Variants in OTOG observed in about 807,000 individuals in gnomAD.
OTOG encodes otogelin.
Under a neutral mutation model 313.8 loss-of-function variants are expected in OTOG, and 296 were observed. The observed-to-expected ratio is 0.94, with a 90% CI of 0.86 to 1.04. The LOEUF is 1.04. Among genes scored for constraint, OTOG ranks in the 50% least tolerant of loss-of-function variants. The pLI, the probability that OTOG is intolerant of heterozygous loss-of-function variation, is 0.00. For synonymous variants in OTOG, 1,533 were observed against 1,554.9 expected, an observed-to-expected ratio of 0.99 and a Z score of 0.33; for missense variants, 3,948 against 3,840.1, an observed-to-expected ratio of 1.03 and a Z score of -0.74.
At chr11:17,567,785 T>C (rs1206630906) in intron 15 of OTOG, among the ~76,000 whole-genome samples, 1 of 152,254 alleles carries the variant, frequency 6.6e-6, no homozygotes, top group Non-Finnish European at 1.5e-5. Context: ...CTTCTTCTTC[T>C]TCTCTCTTTG....
In OTOG at chr11:17,606,013, T is replaced by C. The variant is rs1590037121; in HGVS notation, c.4034T>C (p.Leu1345Pro). The C allele has an allele frequency of 6.4e-7, 1 of 1,550,582 alleles. No individual in the cohort carries two copies. The highest frequency in any genetic ancestry group is 1.2e-5 in the South Asian group (1 of 84,058). Reference protein sequence around the residue: ...LLHRGTRQAGLVALESLAKPS... With the variant: ...LLHRGTRQAGPVALESLAKPS... ...CACCGGGGGACACGGCAGGCAGGCC[T>C]GGTGGCCCTGGAGTCCCTGGCCAAG... The change falls in exon 33 of 56, where the codon CTG (leucine) becomes CCG (proline). Residue 1345 changes from leucine to proline, a missense_variant. By Grantham distance (98) the Leu-to-Pro change is moderately conservative (BLOSUM62 -3). Transcript: ENST00000399397.
intron 39 of OTOG, among the ~76,000 whole-genome samples, chr11:17,626,703 C>T (rs1853993493): frequency 6.6e-6 from 1 of 152,082 alleles, no homozygotes; most frequent in Non-Finnish European, 1.5e-5. Flanking sequence ...CTGTAGGTTT[C>T]TTTGGGTAAT....
At chr11:17,629,932 A>G (rs1854076669) in intron 40 of OTOG, among the ~76,000 whole-genome samples, 1 of 152,102 alleles carries the variant, frequency 6.6e-6, no homozygotes, top group Non-Finnish European at 1.5e-5. Context: ...GCACTCCGTG[A>G]CAGACTACCA....
At chr11:17,627,400 T>G (rs1206523845) in intron 39 of OTOG, among the ~76,000 whole-genome samples, 1 of 152,242 alleles carries the variant, frequency 6.6e-6, no homozygotes, top group African/African-American at 2.4e-5. Context: ...TGTCCTTTAT[T>G]CTGTTGATAT....
rs1852357296 is a variant in OTOG at position 17,569,283 on chromosome 11, C to T, written c.1772C>T (p.Thr591Ile). 1.3e-6 allele frequency: 2 copies of T among 1,550,594 alleles called. No homozygotes were observed. Among genetic ancestry groups the T allele is most frequent in the Non-Finnish European group, 1.7e-6 (2 of 1,146,988 alleles). Reference sequence around the variant, plus strand: ...CAGTACAAGATCATCCCGCCATACACAGATGGTACGGTTTGGGGTGGACAA... The same window carrying T: ...CAGTACAAGATCATCCCGCCATACATAGATGGTACGGTTTGGGGTGGACAA... ...FDQYKIIPPY[T>I]DDAFEIRRLS... The change falls in exon 16 of 56, where the codon ACA (threonine) becomes ATA (isoleucine). Residue 591 changes from threonine to isoleucine, a missense_variant. Thr to Ile is a moderately conservative substitution (Grantham distance 89). Transcript: ENST00000399397.
intron 42 of OTOG, among the ~76,000 whole-genome samples, chr11:17,633,443 A>G (rs551935760): frequency 3.3e-5 from 5 of 152,370 alleles, no homozygotes; most frequent in African/African-American, 1.2e-4. Context: ...CTGTGTTCCA[A>G]TAAAACTTTA....
chr11:17,605,297 C>T (rs185162905), intron 32 of OTOG, among the ~76,000 whole-genome samples: 287 of 152,320 alleles, frequency 1.9e-3, no homozygotes, highest in Middle Eastern at 6.8e-3. Context: ...TGGGCAAGCT[C>T]CTTTCTCTCT....
intron 51 of OTOG, among the ~76,000 whole-genome samples, 195 bp from the exon 52 acceptor site, chr11:17,641,652 T>C (rs910938327): frequency 6.6e-6 from 1 of 152,142 alleles, no homozygotes; most frequent in Non-Finnish European, 1.5e-5. Context: ...GGAGATGCTC[T>C]TTGCTGTAAG....
At chr11:17,561,409 G>A (rs1852179836) in intron 14 of OTOG, among the ~76,000 whole-genome samples, 1 of 152,228 alleles carries the variant, frequency 6.6e-6, no homozygotes, top group South Asian at 2.1e-4. Context: ...GCCTGAGGCT[G>A]GTCCTCAAGG....
chr11:17,574,747 A>G lies in OTOG; in HGVS notation c.2321A>G (p.Tyr774Cys). 6.4e-7 allele frequency: 1 copy of G among 1,550,664 alleles called. No homozygotes were observed. The highest frequency in any genetic ancestry group is 8.7e-7 in the Non-Finnish European group (1 of 1,146,970). The change falls in exon 20 of 56, where the codon TAT becomes TGT. Residue 774 changes from tyrosine (Y) to cysteine (C), a missense_variant. Tyr to Cys is a radical substitution (Grantham distance 194). Coordinates refer to ENST00000399397, the MANE Select transcript of OTOG (RefSeq NM_001292063.2). ...CTGTCCTGTGAGGCCTCCAAGGAGT[A>G]TAGCCCCTGCGTGGCCCCGTGTGGA... Reference protein sequence around the residue: ...CALSCEASKEYSPCVAPCGRT... With the variant: ...CALSCEASKECSPCVAPCGRT...
intron 18 of OTOG, among the ~76,000 whole-genome samples, chr11:17,572,548 G>A (rs1195472857): frequency 6.6e-6 from 1 of 151,902 alleles, no homozygotes. Flanking sequence ...TGCCCCAGCT[G>A]CCCTGGCCTC....
intron 31 of OTOG, among the ~76,000 whole-genome samples, chr11:17,601,323 G>T (rs916843284): frequency 1.3e-5 from 2 of 152,158 alleles, no homozygotes; most frequent in Non-Finnish European, 2.9e-5. Flanking sequence ...TGACATTTGA[G>T]CTGGGCCCCA....
chr11:17,555,217 G>C (rs1852029626), intron 6 of OTOG, among the ~76,000 whole-genome samples: 5 of 151,784 alleles, frequency 3.3e-5, no homozygotes, highest in Admixed American at 2.0e-4. Flanking sequence ...ATGTGTGTGT[G>C]TGTGTGTGTG....
intron 28 of OTOG, 22 bp from the exon 29 acceptor site, chr11:17,596,016 C>T (rs1454948942): frequency 4.6e-6 from 7 of 1,518,598 alleles, no homozygotes; most frequent in Middle Eastern, 1.7e-4. Context: ...GGGAGGTCAA[C>T]AGCCCTGCCT....
At chr11:17,627,214 T>G (rs997650385) in intron 39 of OTOG, among the ~76,000 whole-genome samples, 1 of 152,202 alleles carries the variant, frequency 6.6e-6, no homozygotes, top group African/African-American at 2.4e-5. Flanking sequence ...GAGGAAAGGC[T>G]TTTCATTTTC....
intron 40 of OTOG, 52 bp downstream of exon 40, chr11:17,629,368 G>A: frequency 1.3e-6 from 2 of 1,489,364 alleles, no homozygotes; most frequent in Non-Finnish European, 9.0e-7. Context: ...GTCCACCTCT[G>A]CCCCCACACA....
At position 17,593,201 on chromosome 11, in the gene OTOG, A is replaced by C; in HGVS notation, c.3015A>C (p.Ser1005=). Residue 1005 remains serine (S), a synonymous_variant, in exon 26 of 56, where the codon TCA becomes TCC. Coordinates refer to ENST00000399397, the MANE Select transcript of OTOG (RefSeq NM_001292063.2). ...ACTTATTCTCTCCTCAGAGCACATCAGATGTCAGCTTCTCTGTGATTGTAG... is the reference window on the plus strand; with the variant it reads ...ACTTATTCTCTCCTCAGAGCACATCCGATGTCAGCTTCTCTGTGATTGTAG... ...ACKVHLVKST[S]DVSFSVIVEN... 1 of 1,550,196 alleles carries C rather than the reference A, an allele frequency of 6.5e-7. No individual in the cohort carries two copies. The highest frequency in any genetic ancestry group is 8.7e-7 in the Non-Finnish European group (1 of 1,146,630).
chr11:17,602,388 TC>T lies in OTOG; in HGVS notation c.3877+14del. 6.5e-7 allele frequency: 1 copy of T among 1,546,288 alleles called. No homozygotes were observed. Among genetic ancestry groups the T allele is most frequent in the Non-Finnish European group, 8.7e-7 (1 of 1,144,092 alleles). On this transcript the variant is annotated intron_variant, in intron 32 of 55. Coordinates refer to ENST00000399397, the MANE Select transcript of OTOG (RefSeq NM_001292063.2). ...AGGCCAAGGCCCATGGTAAGGCCCA[TC>T]CCAGTCCCACTCCAGCTCTTCTGGG...
Position 17,552,054 on chromosome 11 carries a change from C to T in OTOG, c.271C>T (p.Arg91Trp), listed in dbSNP as rs533869325. The change falls in exon 4 of 56, where the codon CGG becomes TGG. Residue 91 changes from arginine to tryptophan, a missense_variant. By Grantham distance (101) the Arg-to-Trp change is moderately radical. Coordinates refer to ENST00000399397, the MANE Select transcript of OTOG (RefSeq NM_001292063.2). ...AMSSWERRLH[R>W]AKCAPSYLFS... is the part of the protein sequence containing the mutation. ...GTCTTCCTGGGAAAGGCGGCTCCAT[C>T]GGGCCAAGTGTGCACCATCCTGTAA... The T allele has an allele frequency of 1.9e-5, 30 of 1,550,410 alleles. No homozygotes were observed. The African/African-American group carries it at 2.3e-4, about 12-fold the overall frequency.
Sources: gnomAD v4.1 joint callset for allele counts (sites outside exome capture counted in the v4.1 genomes callset) on GRCh38, gnomAD v4.1.1 for gene constraint, MANE v1.5 for transcripts, NCBI Gene and HGNC (gene_info 2026-07-23, HGNC 2026-07-21) for gene names.